Variants in OR9Q1 observed in about 807,000 individuals in gnomAD.
OR9Q1 encodes olfactory receptor 9Q1.
For synonymous variants in OR9Q1, 153 were observed against 148.6 expected (o/e 1.03, Z -0.22); for missense variants, 374 against 378.8 (o/e 0.99, Z 0.11).
intron 2 of OR9Q1, among the ~76,000 whole-genome samples, chr11:58,069,740 A>T (rs1429722112): frequency 6.6e-6 from 1 of 151,778 alleles, no homozygotes; most frequent in East Asian, 2.0e-4. Context: ...GTGCAGTGGT[A>T]CATGCCTGTA....
At chr11:58,117,487 T>C (rs1253171256) in intron 2 of OR9Q1, 1 of 152,202 alleles carries the variant, frequency 6.6e-6, no homozygotes, top group East Asian at 1.9e-4. Context: ...AACAAGCATG[T>C]ACCATACAAA....
Position 58,027,933 on chromosome 11 carries a change from G to T in OR9Q1, c.-93+3829G>T, listed in dbSNP as rs1852991586. ...CTGAAAGTATTAAAAAATAATACCT[G>T]CTCTGTACCAGGCCCCAGGGTGGAT... On this transcript the variant is annotated intron_variant, in intron 1 of 2. Transcript: ENST00000335397. 2.0e-5 allele frequency among the ~76,000 whole-genome samples: 3 copies of T among 152,272 alleles called. No individual in the cohort carries two copies. In the South Asian group the frequency reaches 6.2e-4, roughly 32 times the overall value.
intron 1 of OR9Q1, chr11:58,031,115 C>T: frequency 6.2e-7 from 1 of 1,614,186 alleles, no homozygotes; most frequent in African/African-American, 1.3e-5. Flanking sequence ...GGGTTTGGAC[C>T]ACCGACTACG....
intron 2 of OR9Q1, among the ~76,000 whole-genome samples, chr11:58,115,605 T>G (rs1590598390): frequency 1.3e-5 from 2 of 152,160 alleles, no homozygotes; most frequent in African/African-American, 2.4e-5. Context: ...AGGAGTCTCC[T>G]AACTTCCCTT....
At chr11:58,109,388 T>C (rs1565078064) in intron 2 of OR9Q1, 1 of 458,902 alleles carries the variant, frequency 2.2e-6, no homozygotes, top group Non-Finnish European at 4.4e-6. Flanking sequence ...CCATAGGAGA[T>C]AACTGTCTTG....
At chr11:58,143,148 A>G (rs1271710342) in intron 2 of OR9Q1, among the ~76,000 whole-genome samples, 1 of 152,206 alleles carries the variant, frequency 6.6e-6, no homozygotes, top group African/African-American at 2.4e-5. Flanking sequence ...TGAACCTAAG[A>G]GCATGTCACT....
chr11:58,167,790 CA>C, intron 2 of OR9Q1, among the ~76,000 whole-genome samples: 1 of 152,300 alleles, frequency 6.6e-6, no homozygotes, highest in East Asian at 1.9e-4. Context: ...GTTCCCATGG[CA>C]ATGGCAAAGG....
intron 2 of OR9Q1, among the ~76,000 whole-genome samples, chr11:58,056,477 A>C (rs575607465): frequency 2.5e-4 from 38 of 152,276 alleles, no homozygotes; most frequent in Non-Finnish European, 5.4e-4. Context: ...TTACATTTTT[A>C]AGTAGTTGAA....
At chr11:58,166,372 A>G (rs1329410000) in intron 2 of OR9Q1, among the ~76,000 whole-genome samples, 1 of 152,154 alleles carries the variant, frequency 6.6e-6, no homozygotes, top group African/African-American at 2.4e-5. Context: ...AACTTTTTAT[A>G]CTCATCAAAC....
intron 2 of OR9Q1, among the ~76,000 whole-genome samples, chr11:58,069,504 GA>G (rs978250808): frequency 6.6e-6 from 1 of 152,120 alleles, no homozygotes; most frequent in African/African-American, 2.4e-5. Flanking sequence ...TGCAAGATGT[GA>G]GAAGGATCTT....
At chr11:58,112,769 G>A (rs1463285557) in intron 2 of OR9Q1, among the ~76,000 whole-genome samples, 1 of 152,098 alleles carries the variant, frequency 6.6e-6, no homozygotes. Context: ...GCCCATATAT[G>A]TCTGATGCCC....
intron 2 of OR9Q1, among the ~76,000 whole-genome samples, chr11:58,141,698 G>A (rs1163002395): frequency 1.3e-5 from 2 of 152,182 alleles, no homozygotes; most frequent in Non-Finnish European, 2.9e-5. Context: ...AGATGTTGAC[G>A]CTGAGACTTG....
chr11:58,027,836 ATG>A (rs1213339837), intron 1 of OR9Q1, among the ~76,000 whole-genome samples: 1 of 152,196 alleles, frequency 6.6e-6, no homozygotes, highest in Non-Finnish European at 1.5e-5. Flanking sequence ...GATCCTTTCA[ATG>A]TAGCTAATCT....
intron 2 of OR9Q1, among the ~76,000 whole-genome samples, chr11:58,083,927 G>C (rs544013874): frequency 6.6e-6 from 1 of 151,954 alleles, no homozygotes; most frequent in South Asian, 2.1e-4. Context: ...ACATATGATT[G>C]CTTTGACCAT....
At position 58,056,361 on chromosome 11, in the gene OR9Q1, C is replaced by G. The variant is rs74877210; in HGVS notation, c.-15+414C>G. ...GAGGCAGCTGTCATCATCTCCCTTC[C>G]TTCTGCTGGAGATTTTCTAGTCCAC... On this transcript the variant is annotated intron_variant, in intron 2 of 2. Coordinates refer to ENST00000335397, the MANE Select transcript of OR9Q1 (RefSeq NM_001005212.4). Among the ~76,000 whole-genome samples the G allele has an allele frequency of 0.014, 2,139 of 152,246 alleles. 117 individuals are homozygous for G. The East Asian group carries it at 0.17, about 12-fold the overall frequency.
At chr11:58,055,551 C>A (rs151090416) in intron 1 of OR9Q1, among the ~76,000 whole-genome samples, 2 of 152,038 alleles carry the variant, frequency 1.3e-5, no homozygotes, top group Admixed American at 1.3e-4. Flanking sequence ...GTAATCCCAG[C>A]ACTTTGGGAG....
chr11:58,166,804 A>T (rs751173231), intron 2 of OR9Q1, among the ~76,000 whole-genome samples: 16 of 152,034 alleles, frequency 1.1e-4, no homozygotes, highest in Non-Finnish European at 1.6e-4. Flanking sequence ...TGCTCTGAGG[A>T]TCAGTGAAGG....
At chr11:58,124,332 T>C (rs960538303) in intron 2 of OR9Q1, 3 of 151,384 alleles carry the variant, frequency 2.0e-5, no homozygotes, top group Non-Finnish European at 4.4e-5. Context: ...AATTATAATA[T>C]GTGACATAAA....
In OR9Q1 at chr11:58,180,405, A is replaced by G. The variant is rs369946848; in HGVS notation, c.*28A>G. 2.6e-4 allele frequency: 363 copies of G among 1,421,148 alleles called. No individual in the cohort carries two copies. The highest frequency in any genetic ancestry group is 5.5e-4 in the Middle Eastern group (3 of 5,488). 88.0% of individuals were successfully genotyped at this position (1,421,148 alleles called of 1,614,324 possible). A position where few individuals can be genotyped will look rare whatever the true frequency, so the allele number is the denominator to read the frequency against. ...ATCTCCAAACTTGGAAAATCCCGAG[A>G]ACCACCTACTCTGTAGTGTCAGAAT... On this transcript the variant is annotated 3_prime_UTR_variant, in exon 3 of 3. Transcript: ENST00000335397.
Sources: gnomAD v4.1 joint callset for allele counts (sites outside exome capture counted in the v4.1 genomes callset) on GRCh38, gnomAD v4.1.1 for gene constraint, MANE v1.5 for transcripts, NCBI Gene and HGNC (gene_info 2026-07-23, HGNC 2026-07-21) for gene names.